The following GMDS variants were observed in gnomAD, a reference collection of about 807,000 sequenced individuals.
GMDS encodes the protein GDP-mannose 4,6-dehydratase.
A neutral mutation model predicts 49.9 loss-of-function variants in GMDS; 20 were observed. The ratio of observed to expected loss-of-function variants is 0.40; its 90% CI spans 0.28 to 0.58. GMDS has a LOEUF of 0.58. GMDS is among the 20% of genes least tolerant of loss of function. The probability of loss-of-function intolerance (pLI) is 0.42; values close to 1 mark genes in which losing one functional copy is unlikely to be tolerated. For missense variants in GMDS, 362 were observed against 481.4 expected, an observed-to-expected ratio of 0.75 and a Z score of 2.32; for synonymous variants, 177 against 178.6, an observed-to-expected ratio of 0.99 and a Z score of 0.07.
intron 1 of GMDS, 59 bp downstream of exon 1, chr6:2,245,262 T>C (rs1581855426): frequency 6.2e-6 from 7 of 1,129,476 alleles, no homozygotes; most frequent in Non-Finnish European, 6.4e-6. Context: ...TAGCGGCGCG[T>C]AGGGAGAGCA....
intron 4 of GMDS, among the ~76,000 whole-genome samples, chr6:2,014,124 CA>C (rs57266542): frequency 4.2e-4 from 30 of 70,932 alleles, no homozygotes; most frequent in Middle Eastern, 0.012. Context: ...CCCCCCCCCC[CA>C]AAAAAATAAA....
chr6:2,140,765 G>A (rs1390735658), intron 1 of GMDS, among the ~76,000 whole-genome samples: 25 of 152,216 alleles, frequency 1.6e-4, no homozygotes, highest in Admixed American at 1.5e-3. Flanking sequence ...ACGATCGAAG[G>A]TTTTTAAGAA....
intron 1 of GMDS, among the ~76,000 whole-genome samples, chr6:2,127,341 T>G (rs1775505275): frequency 6.6e-6 from 1 of 152,162 alleles, no homozygotes; most frequent in East Asian, 1.9e-4. Context: ...AACACTATAC[T>G]TCTAATCATT....
rs192009982 is a variant in GMDS, at chr6:1,905,935, C to T, written c.771+24168G>A. On this transcript the variant is annotated intron_variant, in intron 7 of 10. Transcript: ENST00000380815. Reference sequence around the variant, plus strand: ...GTATGCAGGTGTCCCTGAGAAGGAGCGCCCAGGTGGCTGTTGAGTCCAAGC... The same window carrying T: ...GTATGCAGGTGTCCCTGAGAAGGAGTGCCCAGGTGGCTGTTGAGTCCAAGC... Among the ~76,000 whole-genome samples, 12 of 151,980 alleles carry T rather than the reference C, an allele frequency of 7.9e-5. No individual in the cohort carries two copies. In the East Asian group the frequency reaches 2.1e-3, roughly 27 times the overall value.
intron 4 of GMDS, among the ~76,000 whole-genome samples, chr6:2,035,361 A>G (rs892328529): frequency 6.6e-6 from 1 of 152,136 alleles, no homozygotes; most frequent in Non-Finnish European, 1.5e-5. Context: ...AAGCTTATCC[A>G]TTCTTCAAGG....
intron 1 of GMDS, among the ~76,000 whole-genome samples, chr6:2,187,027 T>C (rs1241411723): frequency 1.3e-5 from 2 of 152,264 alleles, no homozygotes; most frequent in Admixed American, 1.3e-4. Context: ...TCTTGCTCTT[T>C]AGTCAATCGT....
At chr6:1,702,035 C>T (rs9328067) in intron 9 of GMDS, among the ~76,000 whole-genome samples, 13,366 of 152,268 alleles carry the variant, frequency 0.088, 931 homozygotes, top group East Asian at 0.31. Flanking sequence ...AAATGACGCA[C>T]GCCTCTCTTG....
Position 1,766,569 on chromosome 6 carries a change from G to A in GMDS, c.772-23983C>T, listed in dbSNP as rs1204621556. On this transcript the variant is annotated intron_variant, in intron 7 of 10. Transcript: ENST00000380815. This position sits in a 1 kb window ranked among gnomAD's most constrained non-coding sequence, Gnocchi z 4.5. ...TTTCTCTCTTGTGTATGGCTCGGGA[G>A]GAGGGTCTAAGGTGGGCCTCGCTAC... Among the ~76,000 whole-genome samples, 5 of 152,144 alleles carry A rather than the reference G, an allele frequency of 3.3e-5. 1 individual carries two copies. The highest frequency in any genetic ancestry group is 3.3e-4 in the Admixed American group (5 of 15,282).
rs561075128 is a variant in GMDS at position 2,231,869 on chromosome 6, AT to A, written c.102+13451del. Among the ~76,000 whole-genome samples the A allele has an allele frequency of 2.6e-5, 4 of 152,326 alleles. No individual in the cohort carries two copies. The South Asian group carries it at 8.3e-4, about 32-fold the overall frequency. ...TGATCCCTATCCCCAAGAAGTTCATATTTCGGTTCTGAGCAAATGAAATCAG... is the reference window on the plus strand; with the variant it reads ...TGATCCCTATCCCCAAGAAGTTCATATTCGGTTCTGAGCAAATGAAATCAG... On this transcript the variant is annotated intron_variant, in intron 1 of 10. Transcript: ENST00000380815.
At chr6:1,993,389 C>T (rs1024576572) in intron 4 of GMDS, among the ~76,000 whole-genome samples, 1 of 152,196 alleles carries the variant, frequency 6.6e-6, no homozygotes, top group Non-Finnish European at 1.5e-5. Flanking sequence ...GAAGACCCTA[C>T]ACTTCTGACT....
chr6:1,929,841 T>C (rs1380465788), intron 7 of GMDS, among the ~76,000 whole-genome samples: 1 of 152,180 alleles, frequency 6.6e-6, no homozygotes. Context: ...TATCTATCCA[T>C]CATCCAGCAC....
chr6:2,183,412 G>C (rs1030877376), intron 1 of GMDS, among the ~76,000 whole-genome samples: 5 of 152,210 alleles, frequency 3.3e-5, no homozygotes, highest in African/African-American at 1.2e-4. Flanking sequence ...AACCACAGAA[G>C]TGCAGCCTGA....
intron 1 of GMDS, among the ~76,000 whole-genome samples, chr6:2,185,086 G>C (rs1287679936): frequency 6.6e-6 from 1 of 152,196 alleles, no homozygotes; most frequent in Non-Finnish European, 1.5e-5. Flanking sequence ...AAGCCGACAA[G>C]GCAAAGCCAG....
chr6:1,880,175 C>T (rs935437903), intron 7 of GMDS, among the ~76,000 whole-genome samples: 7 of 149,820 alleles, frequency 4.7e-5, no homozygotes, highest in Admixed American at 4.1e-4. Context: ...AGGCTGGGCA[C>T]AGTGGCTCAC....
intron 9 of GMDS, among the ~76,000 whole-genome samples, chr6:1,647,190 G>A (rs915772955): frequency 2.0e-5 from 3 of 152,238 alleles, no homozygotes; most frequent in African/African-American, 7.2e-5. Flanking sequence ...GCCTGTCCAC[G>A]ATGTGGCTTT....
chr6:2,074,828 A>G (rs1772229828), intron 4 of GMDS, among the ~76,000 whole-genome samples: 1 of 152,034 alleles, frequency 6.6e-6, no homozygotes, highest in Non-Finnish European at 1.5e-5. Context: ...CTATACTGGG[A>G]GAAAGTCAGG....
chr6:1,792,204 T>C (rs1025538498), intron 7 of GMDS, among the ~76,000 whole-genome samples: 4 of 152,056 alleles, frequency 2.6e-5, no homozygotes, highest in Non-Finnish European at 5.9e-5. Flanking sequence ...TTCCTTTCTT[T>C]AAAAACCCAT....
chr6:2,118,018 G>C (rs940134283), intron 2 of GMDS, among the ~76,000 whole-genome samples: 20 of 152,122 alleles, frequency 1.3e-4, no homozygotes, highest in African/African-American at 4.1e-4. Flanking sequence ...TGTATTTCTG[G>C]AGCCACAGAC....
At chr6:2,053,600 GCAT>G (rs1250431517) in intron 4 of GMDS, among the ~76,000 whole-genome samples, 2 of 151,848 alleles carry the variant, frequency 1.3e-5, no homozygotes, top group African/African-American at 2.4e-5. Flanking sequence ...ATCAAATTTT[GCAT>G]CATAATAGTT....
Sources: allele counts gnomAD v4.1 joint callset (sites outside exome capture counted in the v4.1 genomes callset), GRCh38; gene constraint gnomAD v4.1.1; non-coding constraint Gnocchi (gnomAD v3.1); transcripts MANE v1.5; gene names NCBI Gene and HGNC (gene_info 2026-07-23, HGNC 2026-07-21).